Variants in AGBL4 observed in about 807,000 individuals in gnomAD.
AGBL4 encodes the protein AGBL carboxypeptidase 4.
AGBL4 carries 58 observed loss-of-function variants against 66.4 expected under a neutral mutation model. The observed-to-expected ratio is 0.87, with a 90% confidence interval of 0.71 to 1.09. The LOEUF (loss-of-function observed/expected upper bound fraction) is 1.09. Among genes scored for constraint, AGBL4 ranks in the 50% least tolerant of loss-of-function variants. The probability of loss-of-function intolerance (pLI) is 0.00; values close to 1 mark genes in which losing one functional copy is unlikely to be tolerated. For synonymous variants in AGBL4, 234 were observed against 222.9 expected (o/e 1.05, Z -0.44); for missense variants, 579 against 631.0 (o/e 0.92, Z 0.88).
chr1:48,817,575 G>A (rs1191561329), intron 6 of AGBL4: 1 of 158,182 alleles, frequency 6.3e-6, no homozygotes, highest in Non-Finnish European at 1.4e-5. Context: ...GTGGGTATCT[G>A]GACCCCTGTT....
intron 5 of AGBL4, among the ~76,000 whole-genome samples, chr1:48,924,279 TATAAATAA>T (rs56391090): frequency 1.7e-3 from 248 of 148,596 alleles, no homozygotes; most frequent in East Asian, 4.5e-3. Context: ...GAATCTAAAA[TATAAATAA>T]ATAAATAAAT....
chr1:49,504,306 C>G (rs11583504), intron 3 of AGBL4, among the ~76,000 whole-genome samples: 64,645 of 151,904 alleles, frequency 0.43, 16,427 homozygotes, highest in Non-Finnish European at 0.57. Context: ...AACCTCTTTC[C>G]TTTCTAAATT....
At chr1:48,610,810 T>C (rs1645226444) in intron 9 of AGBL4, among the ~76,000 whole-genome samples, 1 of 152,200 alleles carries the variant, frequency 6.6e-6, no homozygotes, top group Non-Finnish European at 1.5e-5. Flanking sequence ...CCCTGTCTCC[T>C]GCACCTCAGG....
At chr1:48,874,655 A>G (rs1484929175) in intron 5 of AGBL4, among the ~76,000 whole-genome samples, 1 of 152,188 alleles carries the variant, frequency 6.6e-6, no homozygotes, top group Non-Finnish European at 1.5e-5. Flanking sequence ...TATTATTTTC[A>G]GAACCAAGTT....
intron 3 of AGBL4, among the ~76,000 whole-genome samples, chr1:49,384,244 CAAT>C (rs1644686409): frequency 2.6e-5 from 4 of 151,876 alleles, no homozygotes; most frequent in South Asian, 2.1e-4. Context: ...TCTTAAAACT[CAAT>C]GATAAAAAAT....
At chr1:48,992,604 A>G (rs1221976461) in intron 5 of AGBL4, among the ~76,000 whole-genome samples, 13 of 151,788 alleles carry the variant, frequency 8.6e-5, no homozygotes, top group Admixed American at 8.5e-4. Flanking sequence ...TCCTCCCACA[A>G]CCCTTGGTTC....
intron 3 of AGBL4, among the ~76,000 whole-genome samples, chr1:49,564,714 G>A (rs1484148652): frequency 1.3e-5 from 2 of 152,158 alleles, no homozygotes; most frequent in African/African-American, 4.8e-5. Context: ...GCTGTGGAGT[G>A]CTTTACTTCC....
chr1:48,907,468 TTTA>T (rs1652708835), intron 5 of AGBL4, among the ~76,000 whole-genome samples: 1 of 152,158 alleles, frequency 6.6e-6, no homozygotes, highest in Admixed American at 6.5e-5. Context: ...ATGACCATAG[TTTA>T]TTATTATAAT....
intron 3 of AGBL4, among the ~76,000 whole-genome samples, chr1:49,359,972 G>A (rs1431015722): frequency 1.3e-5 from 2 of 152,160 alleles, no homozygotes; most frequent in African/African-American, 4.8e-5. Flanking sequence ...TGGCTCCCAA[G>A]AGAGCCTGAT....
At chr1:49,095,157 A>G (rs1384672118) in intron 4 of AGBL4, among the ~76,000 whole-genome samples, 5 of 152,220 alleles carry the variant, frequency 3.3e-5, no homozygotes, top group Admixed American at 2.6e-4. Context: ...AAGGAGAACT[A>G]CAAACCACTG....
At position 49,471,775 on chromosome 1, in the gene AGBL4, CTG is replaced by C. The variant is rs759806015; in HGVS notation, c.282+225536_282+225537del. On this transcript the variant is annotated intron_variant, in intron 3 of 13. Coordinates refer to ENST00000371839, the MANE Select transcript of AGBL4 (RefSeq NM_032785.4). ...TATAGCCAACACCACAGAAAAAAAACTGTGACCCTATTATACTCACAGGAACA... is the reference window on the plus strand; with the variant it reads ...TATAGCCAACACCACAGAAAAAAAACTGACCCTATTATACTCACAGGAACA... 3.9e-5 allele frequency among the ~76,000 whole-genome samples: 6 copies of C among 152,034 alleles called. 1 individual carries two copies. The highest frequency in any genetic ancestry group is 1.4e-4 in the African/African-American group (6 of 41,516).
chr1:49,981,540 C>T (rs1188217140), intron 1 of AGBL4, among the ~76,000 whole-genome samples: 2 of 151,702 alleles, frequency 1.3e-5, no homozygotes, highest in African/African-American at 4.8e-5. Flanking sequence ...TATATACACA[C>T]TATATATGTA....
chr1:49,126,680 C>T (rs1015077507), intron 4 of AGBL4, among the ~76,000 whole-genome samples: 1 of 152,060 alleles, frequency 6.6e-6, no homozygotes, highest in African/African-American at 2.4e-5. Flanking sequence ...CAAGATTAGT[C>T]TTGGGAAATT....
chr1:49,756,982 TC>T (rs1651932082), intron 2 of AGBL4, among the ~76,000 whole-genome samples: 1 of 152,144 alleles, frequency 6.6e-6, no homozygotes, highest in South Asian at 2.1e-4. Flanking sequence ...TTGGCTGTGT[TC>T]CCACCCAAAG....
At chr1:49,274,007 G>T (rs766200341) in intron 3 of AGBL4, among the ~76,000 whole-genome samples, 3 of 152,024 alleles carry the variant, frequency 2.0e-5, no homozygotes, top group African/African-American at 7.2e-5. Flanking sequence ...TTAAATAAAC[G>T]CCCAAAAAAG....
intron 3 of AGBL4, among the ~76,000 whole-genome samples, chr1:49,449,928 G>A (rs1430005120): frequency 6.6e-6 from 1 of 151,942 alleles, no homozygotes; most frequent in African/African-American, 2.4e-5. Context: ...ATACTTCAGA[G>A]ATTGAGGGAG....
At chr1:49,560,288 G>C (rs1366099536) in intron 3 of AGBL4, among the ~76,000 whole-genome samples, 1 of 152,100 alleles carries the variant, frequency 6.6e-6, no homozygotes, top group Non-Finnish European at 1.5e-5. Flanking sequence ...GAGATAATTT[G>C]AAAAGAATCA....
At chr1:49,705,858 G>T (rs753507587) in intron 2 of AGBL4, among the ~76,000 whole-genome samples, 1 of 152,032 alleles carries the variant, frequency 6.6e-6, no homozygotes, top group Non-Finnish European at 1.5e-5. Context: ...ATTGATTTGC[G>T]TATGTTGAAC....
chr1:49,785,686 C>G (rs1049596716), intron 2 of AGBL4, among the ~76,000 whole-genome samples: 7 of 151,686 alleles, frequency 4.6e-5, no homozygotes, highest in African/African-American at 1.7e-4. Context: ...CTGTTGAAAA[C>G]TATTTCCAAT....
Sources: allele counts gnomAD v4.1 joint callset (sites outside exome capture counted in the v4.1 genomes callset), GRCh38; gene constraint gnomAD v4.1.1; transcripts MANE v1.5; gene names NCBI Gene and HGNC (gene_info 2026-07-23, HGNC 2026-07-21).